The following SRGAP1 variants were observed in gnomAD, a reference collection of about 807,000 sequenced individuals.
SRGAP1 encodes SLIT-ROBO Rho GTPase-activating protein 1.
Under a neutral mutation model 121.9 loss-of-function variants are expected in SRGAP1, and 43 were observed. The ratio of observed to expected loss-of-function variants is 0.35; its 90% CI spans 0.28 to 0.46. The LOEUF (loss-of-function observed/expected upper bound fraction) is 0.46. SRGAP1 is among the 20% of genes least tolerant of loss of function. The pLI, the probability that SRGAP1 is intolerant of heterozygous loss-of-function variation, is 1.00. For missense variants in SRGAP1, 1,102 were observed against 1,350.9 expected (o/e 0.82, Z 2.89); for synonymous variants, 447 against 485.4 (o/e 0.92, Z 1.04).
chr12:63,882,627 A>C (rs999238952), intron 1 of SRGAP1, among the ~76,000 whole-genome samples: 5 of 152,216 alleles, frequency 3.3e-5, no homozygotes, highest in Non-Finnish European at 7.3e-5. Context: ...ACCAAACATA[A>C]GTTATCCATT....
chr12:63,971,486 G>GT (rs1172261464), intron 1 of SRGAP1, among the ~76,000 whole-genome samples: 10 of 151,862 alleles, frequency 6.6e-5, no homozygotes, highest in African/African-American at 9.7e-5. Context: ...GTTGAATTCA[G>GT]TTTTTTTTCA....
At chr12:63,884,268 G>A (rs1246929499) in intron 1 of SRGAP1, among the ~76,000 whole-genome samples, 3 of 152,078 alleles carry the variant, frequency 2.0e-5, no homozygotes, top group Non-Finnish European at 4.4e-5. Context: ...CTGGGTGATG[G>A]AGTAAGACTC....
intron 8 of SRGAP1, among the ~76,000 whole-genome samples, chr12:64,067,343 G>A (rs530926233): frequency 1.3e-5 from 2 of 152,286 alleles, no homozygotes; most frequent in Non-Finnish European, 2.9e-5. Context: ...CTAGGAGTTC[G>A]AGACTGCACT....
intron 12 of SRGAP1, among the ~76,000 whole-genome samples, chr12:64,094,454 CTG>C (rs548239848): frequency 1.3e-5 from 2 of 152,118 alleles, no homozygotes; most frequent in Admixed American, 6.5e-5. Flanking sequence ...TTAATTATCT[CTG>C]TAACAATTCT....
At chr12:64,116,925 C>T (rs1014718035) in intron 18 of SRGAP1, among the ~76,000 whole-genome samples, 8 of 152,166 alleles carry the variant, frequency 5.3e-5, no homozygotes, top group Non-Finnish European at 1.2e-4. Flanking sequence ...GTGCTTTCCA[C>T]AGGAAGGCAT....
intron 12 of SRGAP1, among the ~76,000 whole-genome samples, chr12:64,092,956 C>G (rs2036082226): frequency 6.6e-6 from 1 of 152,068 alleles, no homozygotes; most frequent in South Asian, 2.1e-4. Context: ...AATAAACCAG[C>G]TATCATGGAA....
chr12:64,015,389 A>G (rs763476257), intron 3 of SRGAP1, among the ~76,000 whole-genome samples: 3 of 152,156 alleles, frequency 2.0e-5, no homozygotes, highest in Non-Finnish European at 4.4e-5. Flanking sequence ...TGTAACCCAC[A>G]TCTTCACATA....
At chr12:64,010,823 A>G (rs2034231666) in intron 3 of SRGAP1, among the ~76,000 whole-genome samples, 1 of 151,834 alleles carries the variant, frequency 6.6e-6, no homozygotes, top group Admixed American at 6.6e-5. Context: ...TTTAACTTGT[A>G]CACAGACTGT....
chr12:64,076,047 G>A lies in SRGAP1; in HGVS notation c.1126-2872G>A, dbSNP rs148676696. Among the ~76,000 whole-genome samples the A allele has an allele frequency of 1.3e-3, 195 of 152,254 alleles. 1 individual carries two copies. Among genetic ancestry groups the A allele is most frequent in the African/African-American group, 4.5e-3 (186 of 41,554 alleles). On this transcript the variant is annotated intron_variant, in intron 8 of 21. Coordinates refer to ENST00000355086, the MANE Select transcript of SRGAP1 (RefSeq NM_020762.4). ...GGCCAAGCCTGAAACCTGTGACACA[G>A]GGAACCATATCTTCCCAAAAGGAAG...
chr12:63,865,242 G>A (rs1359869788), intron 1 of SRGAP1, among the ~76,000 whole-genome samples: 2 of 152,126 alleles, frequency 1.3e-5, no homozygotes, highest in Non-Finnish European at 2.9e-5. Context: ...AGATCACAGG[G>A]CAGATCACGT....
chr12:63,945,381 T>C (rs1274633749), intron 1 of SRGAP1, among the ~76,000 whole-genome samples: 1 of 152,038 alleles, frequency 6.6e-6, no homozygotes, highest in Non-Finnish European at 1.5e-5. Flanking sequence ...CCGTCATCTA[T>C]GTTAGGTATT....
chr12:63,908,656 C>G (rs111819758), intron 1 of SRGAP1, among the ~76,000 whole-genome samples: 3,071 of 152,278 alleles, frequency 0.02, 116 homozygotes, highest in African/African-American at 0.069. Context: ...TCCCAAAGTT[C>G]TGGGATTACA....
chr12:64,051,223 C>T (rs918812648), intron 6 of SRGAP1, among the ~76,000 whole-genome samples: 1 of 152,152 alleles, frequency 6.6e-6, no homozygotes, highest in Non-Finnish European at 1.5e-5. Context: ...AAGTGTGTTG[C>T]TACATCTTAT....
In SRGAP1 at chr12:64,160,138, G is replaced by A. The variant is rs2037198848; in HGVS notation, c.*17466G>A. On this transcript the variant is annotated 3_prime_UTR_variant, in exon 22 of 22. Coordinates refer to ENST00000355086, the MANE Select transcript of SRGAP1 (RefSeq NM_020762.4). The stretch of plus-strand genomic sequence containing the variant: ...ATTTGACCTGTTTCAGTATGGATAA[G>A]TTGTTCTCTAAGTCTACTGCATAGC... 6.6e-6 allele frequency: 1 copy of A among 152,206 alleles called. No individual in the cohort carries two copies. Among genetic ancestry groups the A allele is most frequent in the African/African-American group, 2.4e-5 (1 of 41,448 alleles). The allele number at this position is 152,206 out of a possible 1,614,324, so 9.4% of individuals were successfully genotyped here. A position where few individuals can be genotyped will look rare whatever the true frequency, so the allele number is the denominator to read the frequency against.
At chr12:63,883,800 A>G (rs1182697117) in intron 1 of SRGAP1, among the ~76,000 whole-genome samples, 1 of 151,246 alleles carries the variant, frequency 6.6e-6, no homozygotes, top group African/African-American at 2.4e-5. Flanking sequence ...CTGGGACTAC[A>G]GGCGCCTGCC....
intron 12 of SRGAP1, 149 bp from the exon 13 acceptor site, chr12:64,094,783 T>A (rs1243903196): frequency 1.4e-6 from 1 of 711,350 alleles, no homozygotes; most frequent in Non-Finnish European, 2.4e-6. Flanking sequence ...CAAAGTAAGT[T>A]GAAACAGAAT....
intron 1 of SRGAP1, among the ~76,000 whole-genome samples, chr12:63,863,439 A>G (rs986123150): frequency 6.6e-6 from 1 of 151,784 alleles, no homozygotes; most frequent in Non-Finnish European, 1.5e-5. Context: ...TGCCTGCCTA[A>G]TTTTGTGTCT....
In SRGAP1 at chr12:63,844,991, G is replaced by GAC; in HGVS notation, c.67+110_67+111dup. 1 of 1,130,662 alleles carries GAC rather than the reference G, an allele frequency of 8.8e-7. No individual in the cohort carries two copies. 70.0% of individuals were successfully genotyped at this position (1,130,662 alleles called of 1,614,324 possible). A position where few individuals can be genotyped will look rare whatever the true frequency, so the allele number is the denominator to read the frequency against. ...CTGCGTGGGAGGAAGGTGGTGAGGG[G>GAC]ACAGCTCGAGCCCTGTCTGAGCCAC... On this transcript the variant is annotated intron_variant, in intron 1 of 21. Transcript: ENST00000355086. The surrounding 1 kb of genome is among the most constrained non-coding windows in gnomAD (Gnocchi z 4.3).
At chr12:63,991,744 A>G (rs947358537) in intron 3 of SRGAP1, among the ~76,000 whole-genome samples, 1 of 152,202 alleles carries the variant, frequency 6.6e-6, no homozygotes, top group African/African-American at 2.4e-5. Flanking sequence ...GGAGGTCACA[A>G]TTTATCCAAA....
Sources: gnomAD v4.1 joint callset for allele counts (sites outside exome capture counted in the v4.1 genomes callset) on GRCh38, gnomAD v4.1.1 for gene constraint, Gnocchi (gnomAD v3.1) non-coding constraint, MANE v1.5 for transcripts, NCBI Gene and HGNC (gene_info 2026-07-23, HGNC 2026-07-21) for gene names.